DIAPH3: variants seen among roughly 807,000 people sequenced by gnomAD.
DIAPH3 encodes protein diaphanous homolog 3.
In DIAPH3, 117 loss-of-function variants were observed where a neutral mutation model predicts 144.3. That is an observed-to-expected ratio of 0.81 (90% CI 0.70 to 0.95). The LOEUF is 0.95. Among genes scored for constraint, DIAPH3 ranks in the 40% least tolerant of loss-of-function variants. DIAPH3 has a pLI of 0.00. For missense variants in DIAPH3, 1,421 were observed against 1,412.7 expected (o/e 1.01, Z -0.09); for synonymous variants, 519 against 488.9 (o/e 1.06, Z -0.81).
Position 59,861,424 on chromosome 13 carries a change from A to G in DIAPH3, c.2720T>C (p.Leu907Ser), listed in dbSNP as rs933929965. The G allele has an allele frequency of 5.6e-6, 9 of 1,613,840 alleles. No individual in the cohort carries two copies. Among genetic ancestry groups the G allele is most frequent in the Non-Finnish European group, 7.6e-6 (9 of 1,179,890 alleles). ...ILNFVDDLEP[L>S]DKASKVSVET... Reference sequence around the variant, plus strand: ...GCACAAACCTTTACTAGCTTTGTCTAAAGGTTCCAAATCATCCACAAAATT... The same window carrying G: ...GCACAAACCTTTACTAGCTTTGTCTGAAGGTTCCAAATCATCCACAAAATT... Residue 907 changes from leucine (L) to serine (S), a missense_variant, in exon 22 of 28, where the codon TTA becomes TCA. Physicochemically the swap from Leu to Ser is moderately radical, Grantham distance 145. Transcript: ENST00000400324.
At chr13:59,850,230 G>T (rs1288021401) in intron 22 of DIAPH3, among the ~76,000 whole-genome samples, 8 of 151,894 alleles carry the variant, frequency 5.3e-5, no homozygotes, top group African/African-American at 1.7e-4. Flanking sequence ...CTGAGACGAT[G>T]GGGTTTTCTA....
chr13:60,011,871 C>G (rs2053293351), intron 7 of DIAPH3, among the ~76,000 whole-genome samples: 1 of 151,996 alleles, frequency 6.6e-6, no homozygotes, highest in Non-Finnish European at 1.5e-5. Context: ...TTACTACTGC[C>G]AGGAAGTCAA....
chr13:60,075,410 A>G (rs764372163), intron 4 of DIAPH3, among the ~76,000 whole-genome samples: 46 of 152,040 alleles, frequency 3.0e-4, no homozygotes, highest in Admixed American at 8.5e-4. Context: ...TACCCATACA[A>G]AAGTTTTTAG....
chr13:59,913,820 T>C (rs996568816), intron 19 of DIAPH3, among the ~76,000 whole-genome samples: 4 of 151,230 alleles, frequency 2.6e-5, no homozygotes, highest in South Asian at 2.1e-4. Context: ...TAGCTGGGAG[T>C]GGTGGCGGGT....
At position 59,879,212 on chromosome 13, in the gene DIAPH3, T is replaced by C; in HGVS notation, c.2607+17A>G. 6.2e-7 allele frequency: 1 copy of C among 1,613,510 alleles called. No homozygotes were observed. The highest frequency in any genetic ancestry group is 8.5e-7 in the Non-Finnish European group (1 of 1,179,612). On this transcript the variant is annotated intron_variant, in intron 21 of 27. Transcript: ENST00000400324. ...AAGTGTTCAGGCAAATATGTGTTTT[T>C]AAAAAAACAAACTCACTTTACAGAG...
At chr13:59,977,378 C>T (rs1000016943) in intron 14 of DIAPH3, among the ~76,000 whole-genome samples, 1 of 151,752 alleles carries the variant, frequency 6.6e-6, no homozygotes, top group Non-Finnish European at 1.5e-5. Flanking sequence ...TGAGAACAAA[C>T]TGAAGGGGAT....
intron 4 of DIAPH3, among the ~76,000 whole-genome samples, chr13:60,051,143 T>C (rs2056324680): frequency 6.6e-6 from 1 of 151,974 alleles, no homozygotes; most frequent in Non-Finnish European, 1.5e-5. Context: ...AATGGACAAC[T>C]CTTAGGAGAT....
At chr13:59,790,723 G>A (rs2039285981) in intron 25 of DIAPH3, among the ~76,000 whole-genome samples, 2 of 152,016 alleles carry the variant, frequency 1.3e-5, no homozygotes, top group South Asian at 4.1e-4. Flanking sequence ...TGAAGAAAAA[G>A]AATTGACATA....
intron 22 of DIAPH3, among the ~76,000 whole-genome samples, chr13:59,848,274 T>C (rs1471370281): frequency 1.3e-5 from 2 of 151,286 alleles, no homozygotes; most frequent in African/African-American, 4.8e-5. Context: ...CCGTGGCTTT[T>C]GAGTGGCTCC....
At chr13:59,963,483 T>C (rs1054412375) in intron 17 of DIAPH3, among the ~76,000 whole-genome samples, 10 of 152,172 alleles carry the variant, frequency 6.6e-5, no homozygotes, top group African/African-American at 1.4e-4. Flanking sequence ...AATTGCTATA[T>C]AGCATTTAAT....
At chr13:59,887,754 A>G (rs780781145) in intron 20 of DIAPH3, among the ~76,000 whole-genome samples, 32 of 152,208 alleles carry the variant, frequency 2.1e-4, no homozygotes, top group Non-Finnish European at 4.0e-4. Flanking sequence ...CTAAGAATTT[A>G]CTGATTTTTT....
At chr13:59,792,339 C>A (rs1306517857) in intron 25 of DIAPH3, among the ~76,000 whole-genome samples, 1 of 152,186 alleles carries the variant, frequency 6.6e-6, no homozygotes, top group Non-Finnish European at 1.5e-5. Context: ...GCTGCCATCC[C>A]TCTGGGTCAC....
intron 20 of DIAPH3, among the ~76,000 whole-genome samples, chr13:59,881,769 G>A (rs1207072808): frequency 6.6e-6 from 1 of 151,912 alleles, no homozygotes; most frequent in Non-Finnish European, 1.5e-5. Flanking sequence ...ACAAGGCAAA[G>A]TCAGGAAATG....
intron 21 of DIAPH3, among the ~76,000 whole-genome samples, chr13:59,878,497 C>T (rs549122914): frequency 6.6e-6 from 1 of 152,116 alleles, no homozygotes; most frequent in South Asian, 2.1e-4. Flanking sequence ...AGGTCAAGAA[C>T]AAGAAAAAGG....
At chr13:59,852,959 A>T (rs1162854245) in intron 22 of DIAPH3, among the ~76,000 whole-genome samples, 1 of 152,256 alleles carries the variant, frequency 6.6e-6, no homozygotes, top group Non-Finnish European at 1.5e-5. Flanking sequence ...GAATATTTAT[A>T]TAATGATTAA....
At chr13:60,082,421 A>G (rs1379799128) in intron 4 of DIAPH3, among the ~76,000 whole-genome samples, 1 of 151,842 alleles carries the variant, frequency 6.6e-6, no homozygotes, top group Non-Finnish European at 1.5e-5. Context: ...GAAAAAAAGA[A>G]AAAGAGCATA....
At chr13:59,793,443 C>G (rs1333720486) in intron 25 of DIAPH3, among the ~76,000 whole-genome samples, 1 of 152,202 alleles carries the variant, frequency 6.6e-6, no homozygotes, top group Admixed American at 6.5e-5. Context: ...CATTCATTAA[C>G]TCTTTACGCT....
At chr13:59,989,655 C>G (rs749103538) in intron 12 of DIAPH3, among the ~76,000 whole-genome samples, 6 of 151,846 alleles carry the variant, frequency 4.0e-5, no homozygotes, top group Non-Finnish European at 7.4e-5. Flanking sequence ...TTTGGTAATG[C>G]CACAATTTAA....
chr13:59,767,028 C>T (rs917710149), intron 27 of DIAPH3, among the ~76,000 whole-genome samples: 4 of 152,092 alleles, frequency 2.6e-5, no homozygotes, highest in Non-Finnish European at 4.4e-5. Flanking sequence ...TAGGGGAGAA[C>T]GCTCCTCCTC....
Sources: gnomAD v4.1 joint callset for allele counts (sites outside exome capture counted in the v4.1 genomes callset) on GRCh38, gnomAD v4.1.1 for gene constraint, MANE v1.5 for transcripts, NCBI Gene and HGNC (gene_info 2026-07-23, HGNC 2026-07-21) for gene names.